KSR1: variants seen among roughly 807,000 people sequenced by gnomAD.
The protein encoded by KSR1 is kinase suppressor of ras.
Under a neutral mutation model 92.9 loss-of-function variants are expected in KSR1, and 35 were observed. The ratio of observed to expected loss-of-function variants is 0.38; its 90% CI spans 0.29 to 0.50. The LOEUF (loss-of-function observed/expected upper bound fraction) is 0.50, where lower values mean the gene tolerates loss of function less well. KSR1 is among the 20% of genes least tolerant of loss of function. KSR1 has a pLI of 0.94. For missense variants in KSR1, 972 were observed against 1,158.5 expected (o/e 0.84, Z 2.34); for synonymous variants, 467 against 472.6 (o/e 0.99, Z 0.15).
intron 1 of KSR1, among the ~76,000 whole-genome samples, chr17:27,457,409 G>C (rs1278018093): frequency 6.6e-6 from 1 of 152,158 alleles, no homozygotes; most frequent in African/African-American, 2.4e-5. Context: ...CTGCATTTTT[G>C]TTATTCAGGC....
At chr17:27,466,702 C>T (rs2019716801) in intron 1 of KSR1, among the ~76,000 whole-genome samples, 3 of 152,216 alleles carry the variant, frequency 2.0e-5, no homozygotes, top group Admixed American at 2.0e-4. Flanking sequence ...AATGCTGGCT[C>T]TGAATGGAAA....
At chr17:27,592,321 C>T in intron 7 of KSR1, 40 bp from the exon 8 acceptor site, 2 of 1,564,304 alleles carry the variant, frequency 1.3e-6, no homozygotes, top group Non-Finnish European at 1.8e-6. Context: ...TGAGCCCCCC[C>T]ATGTGGTGCT....
intron 20 of KSR1, chr17:27,621,785 G>T: frequency 1.4e-6 from 1 of 705,194 alleles, no homozygotes; most frequent in South Asian, 1.8e-5. Flanking sequence ...CTGGGGGATG[G>T]AGTCCAGGAT....
In KSR1 at chr17:27,585,688, C is replaced by G. The variant is rs771353291; in HGVS notation, c.985+27C>G. On this transcript the variant is annotated intron_variant, in intron 5 of 20. Transcript: ENST00000644974. The stretch of plus-strand genomic sequence containing the variant: ...TAAGAGAGATTCATTTCCATCCCCT[C>G]TACCACCTGGGAGTCGTGTGTGCGT... The G allele has an allele frequency of 5.9e-5, 45 of 759,392 alleles. No individual in the cohort carries two copies. In the Middle Eastern group the frequency reaches 6.8e-4, roughly 11 times the overall value. 47.0% of individuals were successfully genotyped at this position (759,392 alleles called of 1,614,324 possible).
At chr17:27,556,066 A>G (rs112235009) in intron 2 of KSR1, among the ~76,000 whole-genome samples, 7 of 152,210 alleles carry the variant, frequency 4.6e-5, no homozygotes, top group Admixed American at 1.3e-4. Flanking sequence ...CATGGTTACA[A>G]ACACTGCTAC....
At chr17:27,604,601 T>G (rs982711553) in intron 12 of KSR1, 79 bp from the exon 13 acceptor site, 1 of 1,403,226 alleles carries the variant, frequency 7.1e-7, no homozygotes, top group African/African-American at 1.4e-5. Flanking sequence ...TTGTCTCAGA[T>G]CTCTCCCGGG....
At chr17:27,611,869 C>CT (rs1004968949) in intron 18 of KSR1, among the ~76,000 whole-genome samples, 165 of 149,462 alleles carry the variant, frequency 1.1e-3, no homozygotes, top group African/African-American at 3.9e-3. Context: ...TCCTTTCAGT[C>CT]TTTTTTTTTT....
chr17:27,520,079 A>T (rs952523536), intron 1 of KSR1, among the ~76,000 whole-genome samples: 1 of 152,210 alleles, frequency 6.6e-6, no homozygotes, highest in Non-Finnish European at 1.5e-5. Flanking sequence ...TGCACCCTTT[A>T]TACCGAATGA....
intron 1 of KSR1, among the ~76,000 whole-genome samples, chr17:27,540,025 C>T (rs949809954): frequency 3.3e-4 from 50 of 152,342 alleles, no homozygotes; most frequent in Middle Eastern, 3.4e-3. Context: ...TTCACTCTGG[C>T]CCAGCTCAAG....
At chr17:27,499,703 C>G (rs929773456) in intron 1 of KSR1, among the ~76,000 whole-genome samples, 1 of 152,146 alleles carries the variant, frequency 6.6e-6, no homozygotes, top group Non-Finnish European at 1.5e-5. Flanking sequence ...CATGTGCTCC[C>G]CACAGTGAAG....
At chr17:27,533,268 TTAAG>T (rs1396747647) in intron 1 of KSR1, among the ~76,000 whole-genome samples, 1 of 152,098 alleles carries the variant, frequency 6.6e-6, no homozygotes, top group African/African-American at 2.4e-5. Context: ...GTTGCAAGGA[TTAAG>T]TGAGTTAATT....
rs187585630 is a variant in KSR1 at position 27,589,310 on chromosome 17, C to G, written c.1046+775C>G. On this transcript the variant is annotated intron_variant, in intron 6 of 20. Coordinates refer to ENST00000644974, the MANE Select transcript of KSR1 (RefSeq NM_001394583.1). ...CAGAATTCAAACCTAGCTGTTTGCCCCCAGAGTCTGTTCTCTTTCCCTTGT... is the reference window on the plus strand; with the variant it reads ...CAGAATTCAAACCTAGCTGTTTGCCGCCAGAGTCTGTTCTCTTTCCCTTGT... Among the ~76,000 whole-genome samples, 3 of 152,266 alleles carry G rather than the reference C, an allele frequency of 2.0e-5. No individual in the cohort carries two copies. In the East Asian group the frequency reaches 5.8e-4, roughly 29 times the overall value.
chr17:27,464,591 A>C (rs4794910), intron 1 of KSR1, among the ~76,000 whole-genome samples: 2 of 151,450 alleles, frequency 1.3e-5, no homozygotes, highest in African/African-American at 2.4e-5. Flanking sequence ...GTGGTTGTGC[A>C]CACCTGTTGT....
intron 1 of KSR1, among the ~76,000 whole-genome samples, chr17:27,517,214 T>C (rs919062602): frequency 6.6e-6 from 1 of 152,234 alleles, no homozygotes; most frequent in Admixed American, 6.5e-5. Context: ...TAAGGGTGGC[T>C]ACCTATGAGA....
intron 5 of KSR1, among the ~76,000 whole-genome samples, chr17:27,586,471 T>C (rs1567857605): frequency 6.6e-6 from 1 of 152,146 alleles, no homozygotes; most frequent in Non-Finnish European, 1.5e-5. Flanking sequence ...GCAGGGACTA[T>C]GCTGAAGTGG....
chr17:27,467,875 A>G (rs1036607257), intron 1 of KSR1, among the ~76,000 whole-genome samples: 3 of 151,468 alleles, frequency 2.0e-5, no homozygotes, highest in East Asian at 1.9e-4. Context: ...CCGTGGCGCA[A>G]TCGTGGCTCA....
intron 1 of KSR1, among the ~76,000 whole-genome samples, chr17:27,532,304 G>A (rs2070572191): frequency 6.6e-6 from 1 of 152,230 alleles, no homozygotes; most frequent in Non-Finnish European, 1.5e-5. Flanking sequence ...CAGTGCGGGT[G>A]AGCTATCCTC....
rs1422029013 is a variant in KSR1 at position 27,459,253 on chromosome 17, A to T, written c.231+2379A>T. Among the ~76,000 whole-genome samples the T allele has an allele frequency of 6.6e-6, 1 of 152,214 alleles. No individual in the cohort carries two copies. The highest frequency in any genetic ancestry group is 1.9e-4 in the East Asian group (1 of 5,196). ...GCATTTTGTCTGTCAGTCCGTGCTG[A>T]TACTACGAAAAGAGTCTGCCTGGCA... On this transcript the variant is annotated intron_variant, in intron 1 of 20. Coordinates refer to ENST00000644974, the MANE Select transcript of KSR1 (RefSeq NM_001394583.1). The surrounding 1 kb of genome is among the most constrained non-coding windows in gnomAD (Gnocchi z 4.6).
intron 5 of KSR1, chr17:27,588,188 C>G (rs2073038226): frequency 4.0e-6 from 1 of 247,192 alleles, no homozygotes; most frequent in South Asian, 1.1e-4. Context: ...CCTTCTGCCT[C>G]TCCAGCCTGC....
Sources: gnomAD v4.1 joint callset for allele counts (sites outside exome capture counted in the v4.1 genomes callset) on GRCh38, gnomAD v4.1.1 for gene constraint, Gnocchi (gnomAD v3.1) non-coding constraint, MANE v1.5 for transcripts, NCBI Gene and HGNC (gene_info 2026-07-23, HGNC 2026-07-21) for gene names.